The following FKBP5 variants were observed in gnomAD, a reference collection of about 807,000 sequenced individuals.
FKBP5 encodes FKBP prolyl isomerase 5, also known as peptidyl-prolyl cis-trans isomerase FKBP5.
Under a neutral mutation model 50.5 loss-of-function variants are expected in FKBP5, and 23 were observed. The observed-to-expected ratio is 0.46, with a 90% CI of 0.33 to 0.65. The LOEUF (loss-of-function observed/expected upper bound fraction) is 0.65, where lower values mean the gene tolerates loss of function less well. FKBP5 is among the 30% of genes least tolerant of loss of function. FKBP5 has a pLI of 0.02. For missense variants in FKBP5, 411 were observed against 553.1 expected (o/e 0.74, Z 2.58); for synonymous variants, 176 against 190.6 (o/e 0.92, Z 0.63).
chr6:35,630,162 G>A (rs569786090), intron 3 of FKBP5, among the ~76,000 whole-genome samples: 3 of 151,240 alleles, frequency 2.0e-5, no homozygotes, highest in Non-Finnish European at 4.4e-5. Flanking sequence ...GAGGGAGGAG[G>A]AGGAAGAAAG....
intron 8 of FKBP5, chr6:35,580,860 A>C: frequency 1.0e-6 from 1 of 985,316 alleles, no homozygotes; most frequent in Non-Finnish European, 1.2e-6. Context: ...GTCTTTCAAA[A>C]GGATTGTGAG....
chr6:35,686,384 GTAAA>G (rs1561895055), intron 1 of FKBP5, among the ~76,000 whole-genome samples: 1 of 151,616 alleles, frequency 6.6e-6, no homozygotes, highest in Non-Finnish European at 1.5e-5. Context: ...ATACACATAT[GTAAA>G]TAAATTTATG....
intron 8 of FKBP5, chr6:35,583,934 G>C (rs1209136569): frequency 1.0e-6 from 1 of 985,282 alleles, no homozygotes; most frequent in African/African-American, 1.7e-5. Flanking sequence ...GAAGAGTTTA[G>C]AGGTTGAACA....
chr6:35,665,633 A>G (rs1199563978), intron 1 of FKBP5, among the ~76,000 whole-genome samples: 1 of 151,976 alleles, frequency 6.6e-6, no homozygotes, highest in Non-Finnish European at 1.5e-5. Flanking sequence ...AAACCTAGAA[A>G]CCCAACATTC....
chr6:35,603,783 C>G (rs1216848889), intron 5 of FKBP5, among the ~76,000 whole-genome samples: 1 of 151,898 alleles, frequency 6.6e-6, no homozygotes, highest in Non-Finnish European at 1.5e-5. Flanking sequence ...TCACTTACTG[C>G]AACCATCTGC....
chr6:35,677,210 A>C (rs1368737738), intron 1 of FKBP5, among the ~76,000 whole-genome samples: 1 of 152,168 alleles, frequency 6.6e-6, no homozygotes, highest in Non-Finnish European at 1.5e-5. Flanking sequence ...AGTAGCTGGG[A>C]CTACAGGCGC....
At chr6:35,600,205 G>A (rs536799982) in intron 5 of FKBP5, among the ~76,000 whole-genome samples, 2 of 152,278 alleles carry the variant, frequency 1.3e-5, no homozygotes, top group East Asian at 3.9e-4. Context: ...TGCAGCATAT[G>A]ACTGTACATG....
At chr6:35,662,058 T>A (rs1765082707) in intron 1 of FKBP5, among the ~76,000 whole-genome samples, 1 of 152,164 alleles carries the variant, frequency 6.6e-6, no homozygotes, top group Non-Finnish European at 1.5e-5. Flanking sequence ...ACTTTCTCTT[T>A]TTTATTTATT....
intron 3 of FKBP5, among the ~76,000 whole-genome samples, chr6:35,633,274 G>A (rs1419728640): frequency 6.6e-6 from 1 of 151,774 alleles, no homozygotes; most frequent in Non-Finnish European, 1.5e-5. Flanking sequence ...TGGGCACAGT[G>A]GCTCATGCCT....
intron 3 of FKBP5, among the ~76,000 whole-genome samples, chr6:35,636,741 A>G (rs898838525): frequency 5.9e-5 from 9 of 152,230 alleles, no homozygotes; most frequent in Middle Eastern, 6.8e-3. Flanking sequence ...AGGAACCAGC[A>G]GTTTTTTTAC....
At chr6:35,637,298 T>G in intron 2 of FKBP5, 140 bp from the exon 3 acceptor site, 1 of 711,052 alleles carries the variant, frequency 1.4e-6, no homozygotes, top group Non-Finnish European at 2.3e-6. Flanking sequence ...ATGCCTCCCT[T>G]CATTCCTCAC....
chr6:35,636,842 T>A (rs770633243), intron 3 of FKBP5, among the ~76,000 whole-genome samples, 172 bp downstream of exon 3: 15 of 152,148 alleles, frequency 9.9e-5, no homozygotes, highest in Non-Finnish European at 1.8e-4. Flanking sequence ...ATAAATGACA[T>A]TTGGGACCCC....
chr6:35,694,920 A>C (rs1042172565), intron 2 of FKBP5, among the ~76,000 whole-genome samples: 27 of 152,134 alleles, frequency 1.8e-4, no homozygotes, highest in African/African-American at 6.3e-4. Context: ...CAACTACTCA[A>C]CTCTGTCATT....
chr6:35,672,822 C>CG (rs1430861255), intron 1 of FKBP5, among the ~76,000 whole-genome samples: 2 of 150,742 alleles, frequency 1.3e-5, no homozygotes, highest in East Asian at 1.9e-4. Flanking sequence ...CCAAGCTAGT[C>CG]GGGGGGCTGA....
At chr6:35,586,367 T>C in intron 8 of FKBP5, 2 of 985,262 alleles carry the variant, frequency 2.0e-6, no homozygotes, top group Non-Finnish European at 2.4e-6. Flanking sequence ...GCAGGAATCA[T>C]CTTGGCCATT....
chr6:35,582,131 C>G, intron 8 of FKBP5: 1 of 985,174 alleles, frequency 1.0e-6, no homozygotes, highest in Non-Finnish European at 1.2e-6. Context: ...CTACATCCCT[C>G]GAACATCCTT....
At chr6:35,681,063 T>C (rs1267983233) in intron 1 of FKBP5, among the ~76,000 whole-genome samples, 1 of 152,228 alleles carries the variant, frequency 6.6e-6, no homozygotes, top group East Asian at 1.9e-4. Flanking sequence ...CCAACGATTC[T>C]TTTTCTCATC....
chr6:35,620,300 A>C, intron 3 of FKBP5, 26 bp from the exon 4 acceptor site: 1 of 1,610,946 alleles, frequency 6.2e-7, no homozygotes, highest in Non-Finnish European at 8.5e-7. Flanking sequence ...AGGTAGTTGA[A>C]AGCTATAAGC....
intron 6 of FKBP5, among the ~76,000 whole-genome samples, chr6:35,592,622 T>C (rs1762856887): frequency 6.6e-6 from 1 of 152,234 alleles, no homozygotes; most frequent in Admixed American, 6.5e-5. Context: ...GCTAAGCACA[T>C]ATTTTCTGAG....
Sources: gnomAD v4.1 joint callset for allele counts (sites outside exome capture counted in the v4.1 genomes callset) on GRCh38, gnomAD v4.1.1 for gene constraint, MANE v1.5 for transcripts, NCBI Gene and HGNC (gene_info 2026-07-23, HGNC 2026-07-21) for gene names.